The following GRB2 variants were observed in gnomAD, a reference collection of about 807,000 sequenced individuals.
GRB2 encodes the protein growth factor receptor bound protein 2.
Under a neutral mutation model 27.4 loss-of-function variants are expected in GRB2, and 2 were observed. The observed-to-expected ratio is 0.07, with a 90% confidence interval of 0.03 to 0.23. The LOEUF (loss-of-function observed/expected upper bound fraction) is 0.23, where lower values mean the gene tolerates loss of function less well. GRB2 is among the 10% of genes least tolerant of loss of function. The pLI is 1.00. For missense variants in GRB2, 102 were observed against 282.4 expected (o/e 0.36, Z 4.58); for synonymous variants, 94 against 99.6 (o/e 0.94, Z 0.33).
At chr17:75,379,137 G>A (rs1264900015) in intron 2 of GRB2, among the ~76,000 whole-genome samples, 1 of 152,078 alleles carries the variant, frequency 6.6e-6, no homozygotes, top group African/African-American at 2.4e-5. Flanking sequence ...CCCAGGAACT[G>A]CAATAAAAGT....
intron 2 of GRB2, among the ~76,000 whole-genome samples, chr17:75,344,079 G>A (rs2078639380): frequency 6.6e-6 from 1 of 152,100 alleles, no homozygotes; most frequent in African/African-American, 2.4e-5. Flanking sequence ...TACTATGTAG[G>A]CATCAATTCA....
intron 1 of GRB2, chr17:75,404,856 G>C (rs1294133611): frequency 1.3e-5 from 2 of 152,156 alleles, no homozygotes; most frequent in Non-Finnish European, 2.9e-5. Context: ...TAGAGAGGGC[G>C]CGCTGCAAAT....
rs556024901 is a variant in GRB2, at chr17:75,383,985, T to C, written c.78+9566A>G. On this transcript the variant is annotated intron_variant, in intron 2 of 5. Coordinates refer to ENST00000316804, the MANE Select transcript of GRB2 (RefSeq NM_002086.5). ...CCAAAACACAAAGCCATCCCGTAAA[T>C]TGCCCAAGATCGCAATGCCCGATCT... Among the ~76,000 whole-genome samples, 4 of 152,282 alleles carry C rather than the reference T, an allele frequency of 2.6e-5. No individual in the cohort carries two copies. In the South Asian group the frequency reaches 8.3e-4, roughly 32 times the overall value.
Position 75,324,507 on chromosome 17 carries a change from G to GTCTTTTTT in GRB2, c.299+1390_299+1391insAAAAAAGA, listed in dbSNP as rs1555608338. On this transcript the variant is annotated intron_variant, in intron 4 of 5. Coordinates refer to ENST00000316804, the MANE Select transcript of GRB2 (RefSeq NM_002086.5). ...TTACAGGTGTGAGCCACCGCACCCA[G>GTCTTTTTT]TTTTTTTTTTTTTTTTTTTTTTTTT... Among the ~76,000 whole-genome samples the GTCTTTTTT allele has an allele frequency of 2.7e-4, 10 of 36,700 alleles. 3 individuals are homozygous for GTCTTTTTT. The highest frequency in any genetic ancestry group is 1.5e-3 in the Admixed American group (4 of 2,644). 24.1% of individuals were successfully genotyped at this position (36,700 alleles called of 152,430 possible). A position where few individuals can be genotyped will look rare whatever the true frequency, so the allele number is the denominator to read the frequency against.
chr17:75,385,291 C>T (rs1246322888), intron 2 of GRB2, among the ~76,000 whole-genome samples: 1 of 152,050 alleles, frequency 6.6e-6, no homozygotes, highest in Non-Finnish European at 1.5e-5. Context: ...AATCCCAACA[C>T]TTTGGGAGGC....
At chr17:75,401,874 T>G (rs866366917) in intron 1 of GRB2, among the ~76,000 whole-genome samples, 3 of 152,364 alleles carry the variant, frequency 2.0e-5, no homozygotes, top group African/African-American at 4.8e-5. Context: ...GATTTTATTA[T>G]TATAATGTAG....
At chr17:75,345,723 T>C (rs2078650720) in intron 2 of GRB2, among the ~76,000 whole-genome samples, 1 of 146,156 alleles carries the variant, frequency 6.8e-6, no homozygotes, top group Non-Finnish European at 1.5e-5. Context: ...ACCCCCAGGG[T>C]GGAGGCGAAT....
chr17:75,356,259 G>GT (rs1267827670), intron 2 of GRB2, among the ~76,000 whole-genome samples: 1 of 152,150 alleles, frequency 6.6e-6, no homozygotes, highest in East Asian at 1.9e-4. Context: ...GTTCATGCCT[G>GT]TAATTCCAAC....
intron 2 of GRB2, among the ~76,000 whole-genome samples, chr17:75,340,435 G>A (rs1316562383): frequency 6.6e-6 from 1 of 152,200 alleles, no homozygotes; most frequent in Non-Finnish European, 1.5e-5. Flanking sequence ...GAGCGATACT[G>A]AAATACTGCC....
intron 1 of GRB2, 143 bp from the exon 2 acceptor site, chr17:75,393,908 C>CT (rs1446939170): frequency 7.8e-5 from 38 of 486,742 alleles, no homozygotes; most frequent in Admixed American, 1.5e-4. Context: ...CAACAGCCCC[C>CT]CCCCGCCGAC....
intron 2 of GRB2, among the ~76,000 whole-genome samples, chr17:75,357,065 C>T (rs2078738351): frequency 6.6e-6 from 1 of 152,230 alleles, no homozygotes; most frequent in African/African-American, 2.4e-5. Flanking sequence ...ATCATTATCT[C>T]TGCCTTGGAT....
chr17:75,332,495 G>C (rs1019319638), intron 3 of GRB2, among the ~76,000 whole-genome samples: 4 of 152,098 alleles, frequency 2.6e-5, no homozygotes, highest in African/African-American at 9.7e-5. Flanking sequence ...ATCACTGACA[G>C]TTATTATCAA....
intron 2 of GRB2, among the ~76,000 whole-genome samples, chr17:75,353,377 A>G (rs1404798665): frequency 2.6e-5 from 4 of 151,916 alleles, no homozygotes; most frequent in Non-Finnish European, 4.4e-5. Flanking sequence ...AAGCGGAACC[A>G]TGCAGCTCAA....
intron 2 of GRB2, among the ~76,000 whole-genome samples, chr17:75,348,584 G>C (rs2078668885): frequency 6.6e-6 from 1 of 152,352 alleles, no homozygotes; most frequent in South Asian, 2.1e-4. Context: ...AGGGAGCTAT[G>C]TGTGTAAATA....
At position 75,349,102 on chromosome 17, in the gene GRB2, T is replaced by C. The variant is rs148487867; in HGVS notation, c.79-16305A>G. 3.7e-3 allele frequency among the ~76,000 whole-genome samples: 569 copies of C among 152,324 alleles called. 1 individual carries two copies. The highest frequency in any genetic ancestry group is 0.013 in the African/African-American group (543 of 41,566). ...GGCAAGAACCTAAAGGTAGAACAGC[T>C]TATAACAGGTGAGAGGGTATAGTAA... is the stretch of plus-strand genomic sequence containing the variant. On this transcript the variant is annotated intron_variant, in intron 2 of 5. Coordinates refer to ENST00000316804, the MANE Select transcript of GRB2 (RefSeq NM_002086.5).
intron 2 of GRB2, among the ~76,000 whole-genome samples, chr17:75,358,916 A>AGT (rs1555611094): frequency 1.3e-5 from 1 of 78,538 alleles, no homozygotes; most frequent in African/African-American, 3.2e-5. Context: ...TATATATATA[A>AGT]ATATATATAT....
chr17:75,381,391 C>T (rs1478098525), intron 2 of GRB2, among the ~76,000 whole-genome samples: 1 of 151,832 alleles, frequency 6.6e-6, no homozygotes, highest in Non-Finnish European at 1.5e-5. Context: ...TATTCTTTTT[C>T]CCCAGCATTC....
intron 1 of GRB2, among the ~76,000 whole-genome samples, chr17:75,395,542 C>T (rs1267091445): frequency 1.3e-5 from 2 of 152,300 alleles, no homozygotes; most frequent in East Asian, 1.9e-4. Context: ...CAGCTCCCTA[C>T]CAACACCCAC....
chr17:75,367,212 C>A (rs561228879), intron 2 of GRB2, among the ~76,000 whole-genome samples: 1 of 152,202 alleles, frequency 6.6e-6, no homozygotes, highest in Non-Finnish European at 1.5e-5. Flanking sequence ...ACTCTGTCAC[C>A]CAGGCTAAAG....
Sources: allele counts gnomAD v4.1 joint callset (sites outside exome capture counted in the v4.1 genomes callset), GRCh38; gene constraint gnomAD v4.1.1; transcripts MANE v1.5; gene names NCBI Gene and HGNC (gene_info 2026-07-23, HGNC 2026-07-21).